Variants in EPSTI1 observed in about 807,000 individuals in gnomAD.
The protein encoded by EPSTI1 is epithelial-stromal interaction protein 1.
A neutral mutation model predicts 49.9 loss-of-function variants in EPSTI1; 66 were observed. The observed-to-expected ratio is 1.32, with a 90% CI of 1.08 to 1.62. The LOEUF is 1.62. Ranked by LOEUF, EPSTI1 falls within the 40% of genes most tolerant of loss-of-function variation. The pLI, the probability that EPSTI1 is intolerant of heterozygous loss-of-function variation, is 0.00. For synonymous variants in EPSTI1, 137 were observed against 130.7 expected, an observed-to-expected ratio of 1.05 and a Z score of -0.33; for missense variants, 394 against 365.5, an observed-to-expected ratio of 1.08 and a Z score of -0.64.
At chr13:42,932,051 T>C (rs1056928327) in intron 6 of EPSTI1, among the ~76,000 whole-genome samples, 2 of 152,126 alleles carry the variant, frequency 1.3e-5, no homozygotes, top group African/African-American at 4.8e-5. Flanking sequence ...GTGATCCTCC[T>C]ACATCAACCT....
intron 1 of EPSTI1, among the ~76,000 whole-genome samples, chr13:42,989,567 CTTTTTTTTTTTT>C: frequency 1.3e-5 from 1 of 79,022 alleles, no homozygotes; most frequent in Non-Finnish European, 2.5e-5. Context: ...CCTCTTTTTT[CTTTTTTTTTTTT>C]TTTTGCTTTT....
chr13:42,945,286 A>G (rs2038886250), intron 6 of EPSTI1, among the ~76,000 whole-genome samples: 1 of 152,192 alleles, frequency 6.6e-6, no homozygotes, highest in Non-Finnish European at 1.5e-5. Flanking sequence ...CATGAGATGT[A>G]TTCAGTATCA....
In EPSTI1 at chr13:42,922,869, T is replaced by A. The variant is rs2153420614; in HGVS notation, c.657+3467A>T. On this transcript the variant is annotated intron_variant, in intron 7 of 10. Transcript: ENST00000313624. The surrounding 1 kb of genome is among the most constrained non-coding windows in gnomAD (Gnocchi z 4.8). ...CCTCAGACATTAACGTGCACACACA[T>A]CTTCCATGGACTGTATTAAATACAA... Among the ~76,000 whole-genome samples the A allele has an allele frequency of 6.6e-6, 1 of 152,322 alleles. No individual in the cohort carries two copies. Among genetic ancestry groups the A allele is most frequent in the East Asian group, 1.9e-4 (1 of 5,178 alleles).
intron 2 of EPSTI1, 139 bp downstream of exon 2, chr13:42,970,473 C>G (rs1488189657): frequency 1.6e-6 from 1 of 629,130 alleles, no homozygotes; most frequent in African/African-American, 1.9e-5. Context: ...AAGGTATAAT[C>G]AAAACTAAAA....
intron 1 of EPSTI1, among the ~76,000 whole-genome samples, chr13:42,990,848 A>G (rs1020241955): frequency 6.6e-6 from 1 of 152,214 alleles, no homozygotes; most frequent in African/African-American, 2.4e-5. Flanking sequence ...AGAGACTAAA[A>G]ATAAAACCAT....
chr13:42,907,423 T>TA (rs2037527703), intron 8 of EPSTI1, among the ~76,000 whole-genome samples: 2 of 152,364 alleles, frequency 1.3e-5, no homozygotes, highest in South Asian at 4.1e-4. Flanking sequence ...AATCTTATGT[T>TA]AAAAATAAAC....
chr13:42,970,725 T>C (rs932148571), intron 1 of EPSTI1, 55 bp from the exon 2 acceptor site: 2 of 1,370,960 alleles, frequency 1.5e-6, no homozygotes, highest in Non-Finnish European at 2.0e-6. Context: ...CCAATGCATA[T>C]AAGCCACCAG....
Position 42,953,946 on chromosome 13 carries a change from A to G in EPSTI1, c.563+2T>C. On this transcript the variant is annotated splice_donor_variant, in intron 6 of 10. Transcript: ENST00000313624. LOFTEE classifies it high-confidence loss of function. ...CACGAAGTTCTGAAAACATTAACTT[A>G]CTATTGCTGATGCTCTCTAAATGCT... 6.2e-7 allele frequency: 1 copy of G among 1,611,306 alleles called. No individual in the cohort carries two copies. The highest frequency in any genetic ancestry group is 8.5e-7 in the Non-Finnish European group (1 of 1,179,198).
intron 8 of EPSTI1, among the ~76,000 whole-genome samples, chr13:42,911,264 T>TGTGTGTGTGTGTGTGCGC (rs549150890): frequency 6.7e-6 from 1 of 148,448 alleles, no homozygotes; most frequent in African/African-American, 2.6e-5. Context: ...TGTGTGTGTG[T>TGTGTGTGTGTGTGTGCGC]GCGCGCGCAC....
At chr13:42,955,231 A>G (rs903028847) in intron 5 of EPSTI1, among the ~76,000 whole-genome samples, 2 of 152,108 alleles carry the variant, frequency 1.3e-5, no homozygotes, top group African/African-American at 4.8e-5. Flanking sequence ...GATGAGCACA[A>G]AAGTGTTCAA....
At chr13:42,916,058 G>C (rs1444807863) in intron 8 of EPSTI1, among the ~76,000 whole-genome samples, 1 of 151,860 alleles carries the variant, frequency 6.6e-6, no homozygotes, top group African/African-American at 2.4e-5. Context: ...ATTCACCTTA[G>C]TATGCTAAGT....
intron 3 of EPSTI1, among the ~76,000 whole-genome samples, chr13:42,968,049 G>A (rs2039667060): frequency 6.6e-6 from 1 of 152,112 alleles, no homozygotes; most frequent in African/African-American, 2.4e-5. Context: ...AATTAGCTAG[G>A]TCACTCTACT....
In EPSTI1 at chr13:42,917,639, A is replaced by ACT; in HGVS notation, c.658-16_658-15insAG. ...CAGCTTCTGGCCTGTAAAGGTACAAAGAGAAAAAAAAAAAAAAAAACAACT... is the reference window on the plus strand; with the variant it reads ...CAGCTTCTGGCCTGTAAAGGTACAAACTGAGAAAAAAAAAAAAAAAAACAACT... On this transcript the variant is annotated splice_polypyrimidine_tract_variant and intron_variant, in intron 7 of 10. Coordinates refer to ENST00000313624, the MANE Select transcript of EPSTI1 (RefSeq NM_033255.5). 2 of 1,133,190 alleles carry ACT rather than the reference A, an allele frequency of 1.8e-6. No individual in the cohort carries two copies. The highest frequency in any genetic ancestry group is 2.4e-6 in the Non-Finnish European group (2 of 817,588). 70.2% of individuals were successfully genotyped at this position (1,133,190 alleles called of 1,614,324 possible). A position where few individuals can be genotyped will look rare whatever the true frequency, so the allele number is the denominator to read the frequency against.
intron 6 of EPSTI1, among the ~76,000 whole-genome samples, chr13:42,941,133 T>C (rs922095945): frequency 6.6e-6 from 1 of 152,206 alleles, no homozygotes; most frequent in Non-Finnish European, 1.5e-5. Context: ...AAGGAGTTTC[T>C]ACCCTCAAAG....
chr13:42,895,050 G>C lies in EPSTI1; in HGVS notation c.874C>G (p.Gln292Glu), dbSNP rs768185359. The change falls in exon 10 of 11, where the codon CAA becomes GAA. Residue 292 changes from glutamine to glutamate, a missense_variant. By Grantham distance (29) the Gln-to-Glu change is conservative. Transcript: ENST00000313624. ...QGKSQPGGLE[Q>E]SGGCWNMNSG... ...TTCATATTCCAACAGCCTCCAGATTGCTCGAGGCCACCTGGTTGACTTTTG... is the reference window on the plus strand; with the variant it reads ...TTCATATTCCAACAGCCTCCAGATTCCTCGAGGCCACCTGGTTGACTTTTG... The C allele has an allele frequency of 1.8e-5, 29 of 1,613,374 alleles. No individual in the cohort carries two copies. The highest frequency in any genetic ancestry group is 2.4e-5 in the Non-Finnish European group (28 of 1,179,696).
intron 6 of EPSTI1, among the ~76,000 whole-genome samples, chr13:42,945,233 C>G (rs951406500): frequency 2.6e-5 from 4 of 152,188 alleles, no homozygotes; most frequent in Non-Finnish European, 4.4e-5. Context: ...AGGCAAGAAA[C>G]AGTGGGTGCA....
At chr13:42,906,398 T>A (rs2037499751) in intron 8 of EPSTI1, among the ~76,000 whole-genome samples, 1 of 152,218 alleles carries the variant, frequency 6.6e-6, no homozygotes, top group Admixed American at 6.5e-5. Context: ...TAAAACCATG[T>A]CTGAATCCCA....
At chr13:42,986,045 C>T (rs1337102879) in intron 1 of EPSTI1, among the ~76,000 whole-genome samples, 1 of 152,198 alleles carries the variant, frequency 6.6e-6, no homozygotes, top group African/African-American at 2.4e-5. Context: ...GCCCAGAGGG[C>T]GTATAAGCCT....
In EPSTI1 at chr13:42,964,102, T is replaced by C; in HGVS notation, c.369A>G (p.Gln123=). 6.2e-7 allele frequency: 1 copy of C among 1,613,700 alleles called. No individual in the cohort carries two copies. Among genetic ancestry groups the C allele is most frequent in the African/African-American group, 1.3e-5 (1 of 75,028 alleles). The change falls in exon 4 of 11, where the codon CAA becomes CAG. Residue 123 remains glutamine, a synonymous_variant. Transcript: ENST00000313624. ...ATTTAGATTGCATCAGCTGGAGTTG[T>C]TGTTTCTGTCTGACTTCAGTTTCTG... ...SQSETEVRQK[Q]QLQLMQSKYK...
Sources: allele counts gnomAD v4.1 joint callset (sites outside exome capture counted in the v4.1 genomes callset), GRCh38; gene constraint gnomAD v4.1.1; non-coding constraint Gnocchi (gnomAD v3.1); transcripts MANE v1.5; gene names NCBI Gene and HGNC (gene_info 2026-07-23, HGNC 2026-07-21).